Variants in STARD13 observed in about 807,000 individuals in gnomAD.
The protein encoded by STARD13 is stAR-related lipid transfer protein 13.
A neutral mutation model predicts 106.4 loss-of-function variants in STARD13; 62 were observed. That is an observed-to-expected ratio of 0.58 (90% CI 0.48 to 0.72). STARD13 has a LOEUF of 0.72. STARD13 is among the 30% of genes least tolerant of loss of function. The probability of loss-of-function intolerance (pLI) is 0.00; values close to 1 mark genes in which losing one functional copy is unlikely to be tolerated. For synonymous variants in STARD13, 565 were observed against 553.0 expected, an observed-to-expected ratio of 1.02 and a Z score of -0.31; for missense variants, 1,387 against 1,424.0, an observed-to-expected ratio of 0.97 and a Z score of 0.42.
At chr13:33,640,588 A>C in the STARD13 span, among the ~76,000 whole-genome samples, 1 of 152,166 alleles carries the variant, frequency 6.6e-6, no homozygotes, top group Non-Finnish European at 1.5e-5. Flanking sequence ...TGGTTTTGTT[A>C]TTTGTCAAAT....
chr13:33,205,481 C>T lies in STARD13; in HGVS notation c.170-37859G>A, dbSNP rs550628049. Among the ~76,000 whole-genome samples the T allele has an allele frequency of 5.3e-5, 8 of 152,108 alleles. No homozygotes were observed. In the South Asian group the frequency reaches 6.2e-4, roughly 12 times the overall value. On this transcript the variant is annotated intron_variant, in intron 1 of 13. Coordinates refer to ENST00000336934, the MANE Select transcript of STARD13 (RefSeq NM_178006.4). ...AATAAACTGCCTTTGAGGAAAGATA[C>T]AAATAATTTTGCCCATTGTTATAAA...
At chr13:33,230,360 G>A (rs901301034) in intron 1 of STARD13, among the ~76,000 whole-genome samples, 1 of 152,334 alleles carries the variant, frequency 6.6e-6, no homozygotes, top group South Asian at 2.1e-4. Flanking sequence ...AAGAAGAGGC[G>A]TGGCTGCTCT....
the STARD13 span, among the ~76,000 whole-genome samples, chr13:33,655,137 C>T: frequency 6.6e-6 from 1 of 152,236 alleles, no homozygotes; most frequent in South Asian, 2.1e-4. Flanking sequence ...GACCTAATCC[C>T]TAATGTCTTT....
chr13:33,374,429 AT>A, the STARD13 span, among the ~76,000 whole-genome samples: 2 of 152,212 alleles, frequency 1.3e-5, no homozygotes, highest in African/African-American at 4.8e-5. Context: ...AAAATGGTAA[AT>A]TTTATGTTAC....
chr13:33,271,826 AC>A (rs1891179414), intron 1 of STARD13, among the ~76,000 whole-genome samples: 2 of 151,960 alleles, frequency 1.3e-5, no homozygotes, highest in Non-Finnish European at 2.9e-5. Context: ...AAAGCATAAA[AC>A]ATACAAATAA....
chr13:33,575,363 C>CAGAT, the STARD13 span, among the ~76,000 whole-genome samples: 1 of 152,220 alleles, frequency 6.6e-6, no homozygotes, highest in East Asian at 1.9e-4. Context: ...CATCAATTTT[C>CAGAT]AGATATCCTG....
the STARD13 span, among the ~76,000 whole-genome samples, chr13:33,409,510 TTTC>T: frequency 1.8e-4 from 28 of 152,322 alleles, no homozygotes; most frequent in African/African-American, 6.7e-4. Context: ...GGTTGCAGAT[TTTC>T]TTCTTCTCAT....
chr13:33,137,041 T>G (rs1879154202), intron 4 of STARD13, among the ~76,000 whole-genome samples: 1 of 152,252 alleles, frequency 6.6e-6, no homozygotes, highest in South Asian at 2.1e-4. Context: ...TTATTTCCTG[T>G]TATATTTGTT....
chr13:33,184,824 T>G (rs932573289), intron 1 of STARD13, among the ~76,000 whole-genome samples: 1 of 152,218 alleles, frequency 6.6e-6, no homozygotes, highest in Non-Finnish European at 1.5e-5. Context: ...TTAACCGAAA[T>G]GAATACTTTT....
chr13:33,608,896 C>A, the STARD13 span, among the ~76,000 whole-genome samples: 1 of 151,950 alleles, frequency 6.6e-6, no homozygotes, highest in East Asian at 1.9e-4. Context: ...ACCATCCTGG[C>A]TAACACGGTG....
chr13:33,660,998 T>C, the STARD13 span, among the ~76,000 whole-genome samples: 85 of 152,350 alleles, frequency 5.6e-4, no homozygotes, highest in Admixed American at 1.1e-3. Context: ...AATAAATTTT[T>C]ATAAATAGAT....
intron 7 of STARD13, among the ~76,000 whole-genome samples, chr13:33,120,821 G>T (rs1188554443): frequency 6.6e-6 from 1 of 151,848 alleles, no homozygotes; most frequent in Admixed American, 6.6e-5. Context: ...ACCCAGGCTG[G>T]AGTGCAGTGG....
chr13:33,669,160 C>A, the STARD13 span, among the ~76,000 whole-genome samples: 1 of 152,180 alleles, frequency 6.6e-6, no homozygotes, highest in Non-Finnish European at 1.5e-5. Context: ...CTGAGAATGG[C>A]TTGCAGAATA....
Position 33,111,801 on chromosome 13 carries a change from T to C in STARD13, c.2584A>G (p.Met862Val). 6.2e-7 allele frequency: 1 copy of C among 1,614,086 alleles called. No homozygotes were observed. Among genetic ancestry groups the C allele is most frequent in the East Asian group, 2.2e-5 (1 of 44,886 alleles). The change falls in exon 10 of 14, where the codon ATG (methionine) becomes GTG (valine). Residue 862 changes from methionine (M) to valine (V), a missense_variant. Coordinates refer to ENST00000336934, the MANE Select transcript of STARD13 (RefSeq NM_178006.4). ...ACCTCAAAAAGTCTGTCGCATTCCA[T>C]GATCATGTGCGCTAGCCCCTGAGCT... ...AAAQGLAHMI[M>V]ECDRLFEVPH...
At chr13:33,179,298 G>A (rs1234707320) in intron 1 of STARD13, among the ~76,000 whole-genome samples, 2 of 152,180 alleles carry the variant, frequency 1.3e-5, no homozygotes, top group African/African-American at 4.8e-5. Flanking sequence ...CATTACCTGT[G>A]TGACCCTGGG....
At chr13:33,480,957 G>C in the STARD13 span, among the ~76,000 whole-genome samples, 1 of 152,146 alleles carries the variant, frequency 6.6e-6, no homozygotes, top group Non-Finnish European at 1.5e-5. Context: ...ACTTCAAGAG[G>C]CTCTCATTGA....
rs989033036 is a variant in STARD13 at position 33,137,981 on chromosome 13, C to T, written c.387+4329G>A. 3.3e-5 allele frequency among the ~76,000 whole-genome samples: 5 copies of T among 152,240 alleles called. No homozygotes were observed. The East Asian group carries it at 5.8e-4, about 18-fold the overall frequency. Reference sequence around the variant, plus strand: ...AACAGCTGCAGTGCCTCTGAAATGCCGACGGCATCCAGGCCAGGAGGTGCT... The same window carrying T: ...AACAGCTGCAGTGCCTCTGAAATGCTGACGGCATCCAGGCCAGGAGGTGCT... On this transcript the variant is annotated intron_variant, in intron 4 of 13. Transcript: ENST00000336934.
chr13:33,673,487 G>A, the STARD13 span, among the ~76,000 whole-genome samples: 2 of 151,366 alleles, frequency 1.3e-5, no homozygotes, highest in Non-Finnish European at 2.9e-5. Context: ...TATTAGATAA[G>A]ACAGAATATA....
chr13:33,549,376 G>A, the STARD13 span, among the ~76,000 whole-genome samples: 1 of 152,024 alleles, frequency 6.6e-6, no homozygotes, highest in Non-Finnish European at 1.5e-5. Flanking sequence ...ATCCCAGGAT[G>A]ATATCATCAT....
Sources: gnomAD v4.1 joint callset for allele counts (sites outside exome capture counted in the v4.1 genomes callset) on GRCh38, gnomAD v4.1.1 for gene constraint, MANE v1.5 for transcripts, NCBI Gene and HGNC (gene_info 2026-07-23, HGNC 2026-07-21) for gene names.